Variants in CSMD3 observed in about 807,000 individuals in gnomAD.
CSMD3 encodes CUB and sushi domain-containing protein 3.
A neutral mutation model predicts 435.2 loss-of-function variants in CSMD3; 177 were observed. The ratio of observed to expected loss-of-function variants is 0.41; its 90% CI spans 0.36 to 0.46. CSMD3 has a LOEUF of 0.46. CSMD3 is among the 20% of genes least tolerant of loss of function. The probability of loss-of-function intolerance (pLI) is 0.34; values close to 1 mark genes in which losing one functional copy is unlikely to be tolerated. For synonymous variants in CSMD3, 1,656 were observed against 1,520.5 expected (o/e 1.09, Z -2.07); for missense variants, 4,265 against 4,504.6 (o/e 0.95, Z 1.52).
At chr8:113,344,902 T>C (rs2094142126) in intron 1 of CSMD3, among the ~76,000 whole-genome samples, 1 of 152,160 alleles carries the variant, frequency 6.6e-6, no homozygotes, top group Non-Finnish European at 1.5e-5. Context: ...ATTATTATTG[T>C]ACATCACTTT....
At position 112,252,867 on chromosome 8, in the gene CSMD3, T is replaced by C. The variant is rs557989570; in HGVS notation, c.10110+1386A>G. ...TTATATTTATTCATATAGAATATAA[T>C]GATTTAATACCTGTTTATTACCCCA... is the stretch of plus-strand genomic sequence containing the variant. On this transcript the variant is annotated intron_variant, in intron 63 of 70. Coordinates refer to ENST00000297405, the MANE Select transcript of CSMD3 (RefSeq NM_198123.2). Among the ~76,000 whole-genome samples the C allele has an allele frequency of 1.8e-3, 270 of 151,654 alleles. 1 individual carries two copies. Among genetic ancestry groups the C allele is most frequent in the African/African-American group, 6.1e-3 (253 of 41,482 alleles).
At chr8:113,036,318 C>G (rs2087349590) in intron 5 of CSMD3, among the ~76,000 whole-genome samples, 1 of 151,928 alleles carries the variant, frequency 6.6e-6, no homozygotes, top group Admixed American at 6.6e-5. Context: ...TTTTCTTATT[C>G]TAAGCACAAT....
chr8:112,919,590 T>C (rs2082674816), intron 10 of CSMD3, among the ~76,000 whole-genome samples: 1 of 151,830 alleles, frequency 6.6e-6, no homozygotes, highest in South Asian at 2.1e-4. Context: ...CACATCCATT[T>C]TTGCTAACAA....
intron 9 of CSMD3, among the ~76,000 whole-genome samples, chr8:112,931,849 C>T (rs1194719655): frequency 1.3e-5 from 2 of 152,078 alleles, no homozygotes. Flanking sequence ...GAAAAATGTT[C>T]AACATCACTA....
intron 22 of CSMD3, among the ~76,000 whole-genome samples, chr8:112,617,858 C>T (rs540303009): frequency 6.6e-6 from 1 of 152,214 alleles, no homozygotes; most frequent in East Asian, 1.9e-4. Context: ...AAGCCATTTC[C>T]AAGTCTTCAC....
At chr8:113,147,850 C>T (rs982352609) in intron 4 of CSMD3, among the ~76,000 whole-genome samples, 1 of 151,610 alleles carries the variant, frequency 6.6e-6, no homozygotes, top group Non-Finnish European at 1.5e-5. Context: ...TAATTCCCTT[C>T]CTAATTATAT....
intron 32 of CSMD3, among the ~76,000 whole-genome samples, chr8:112,422,473 A>C (rs983488969): frequency 6.6e-6 from 1 of 152,210 alleles, no homozygotes; most frequent in Non-Finnish European, 1.5e-5. Flanking sequence ...CAATTGTTAC[A>C]AAGTAAAACG....
rs191715043 is a variant in CSMD3, at chr8:112,834,450, A to C, written c.1756-4661T>G. Among the ~76,000 whole-genome samples, 116 of 151,978 alleles carry C rather than the reference A, an allele frequency of 7.6e-4. 1 individual carries two copies. The East Asian group carries it at 0.021, about 28-fold the overall frequency. ...TTATTTGAAGCCATTAATATAAGTA[A>C]GGTATTACAGTAAAACTCCAACTTA... On this transcript the variant is annotated intron_variant, in intron 11 of 70. Coordinates refer to ENST00000297405, the MANE Select transcript of CSMD3 (RefSeq NM_198123.2).
chr8:113,397,473 A>G (rs558464934), intron 1 of CSMD3, among the ~76,000 whole-genome samples: 50 of 152,220 alleles, frequency 3.3e-4, no homozygotes, highest in African/African-American at 1.2e-3. Flanking sequence ...AAAATTTAAT[A>G]TATGTTATAT....
At chr8:113,359,992 C>T (rs746892379) in intron 1 of CSMD3, among the ~76,000 whole-genome samples, 6 of 152,136 alleles carry the variant, frequency 3.9e-5, no homozygotes, top group Non-Finnish European at 8.8e-5. Context: ...GCAAAAGGTA[C>T]AAGGTGATGT....
At chr8:112,404,311 C>T (rs1413740367) in intron 35 of CSMD3, among the ~76,000 whole-genome samples, 3 of 152,038 alleles carry the variant, frequency 2.0e-5, no homozygotes, top group South Asian at 2.1e-4. Flanking sequence ...GGGTGGATCA[C>T]GATGTCAGGA....
At chr8:112,819,735 T>C (rs1201218193) in intron 12 of CSMD3, among the ~76,000 whole-genome samples, 1 of 152,200 alleles carries the variant, frequency 6.6e-6, no homozygotes, top group African/African-American at 2.4e-5. Context: ...ATCACAGATT[T>C]TTCAAAATTA....
intron 61 of CSMD3, among the ~76,000 whole-genome samples, chr8:112,256,520 G>C (rs1445900277): frequency 7.2e-5 from 11 of 152,182 alleles, no homozygotes; most frequent in African/African-American, 2.7e-4. Flanking sequence ...GGCATGGCTA[G>C]CTTTCTAGAG....
Position 112,593,922 on chromosome 8 carries a change from T to C in CSMD3, c.3716-6687A>G, listed in dbSNP as rs370980746. ...GTCTTTTTGTTTTTTGATGTTTTTGTCTTTGGTTTTGTTTTGTTTTTTGGT... is the reference window on the plus strand; with the variant it reads ...GTCTTTTTGTTTTTTGATGTTTTTGCCTTTGGTTTTGTTTTGTTTTTTGGT... On this transcript the variant is annotated intron_variant, in intron 22 of 70. Transcript: ENST00000297405. Among the ~76,000 whole-genome samples the C allele has an allele frequency of 4.6e-5, 7 of 152,118 alleles. No individual in the cohort carries two copies. In the East Asian group the frequency reaches 5.8e-4, roughly 13 times the overall value.
chr8:112,485,794 T>C (rs1178351309), intron 31 of CSMD3, among the ~76,000 whole-genome samples: 1 of 152,162 alleles, frequency 6.6e-6, no homozygotes, highest in Non-Finnish European at 1.5e-5. Flanking sequence ...AGGGCTCTTC[T>C]TTTAAAAGCT....
intron 1 of CSMD3, among the ~76,000 whole-genome samples, chr8:113,349,854 C>A (rs1036234177): frequency 6.6e-6 from 1 of 151,962 alleles, no homozygotes; most frequent in Admixed American, 6.6e-5. Context: ...TCACTCCCCC[C>A]GTTAAGATAT....
chr8:112,702,833 T>G (rs1174151085), intron 13 of CSMD3, among the ~76,000 whole-genome samples: 2 of 151,994 alleles, frequency 1.3e-5, no homozygotes, highest in African/African-American at 2.4e-5. Flanking sequence ...GGCAGCCCAC[T>G]CCATACCGCT....
chr8:112,957,757 G>T (rs1440469338), intron 7 of CSMD3, among the ~76,000 whole-genome samples: 1 of 133,932 alleles, frequency 7.5e-6, no homozygotes, highest in African/African-American at 2.8e-5. Context: ...GTGTTTGTGT[G>T]TTTTTTGAGA....
chr8:113,093,182 AAG>A (rs908709559), intron 5 of CSMD3, among the ~76,000 whole-genome samples: 7 of 152,104 alleles, frequency 4.6e-5, no homozygotes, highest in African/African-American at 1.7e-4. Context: ...GAAACAAAGC[AAG>A]AGAGAAAGTA....
Sources: allele counts gnomAD v4.1 joint callset (sites outside exome capture counted in the v4.1 genomes callset), GRCh38; gene constraint gnomAD v4.1.1; transcripts MANE v1.5; gene names NCBI Gene and HGNC (gene_info 2026-07-23, HGNC 2026-07-21).